The following B3GALT5 variants were observed in gnomAD, a reference collection of about 807,000 sequenced individuals.
B3GALT5 encodes beta-1,3-galactosyltransferase 5.
For synonymous variants in B3GALT5, 156 were observed against 158.6 expected (o/e 0.98, Z 0.12); for missense variants, 328 against 396.6 (o/e 0.83, Z 1.47).
intron 1 of B3GALT5, among the ~76,000 whole-genome samples, chr21:39,632,208 G>T (rs572471075): frequency 1.3e-5 from 2 of 152,152 alleles, no homozygotes; most frequent in Non-Finnish European, 2.9e-5. Context: ...CATTTCCCAA[G>T]TCTTCCCTTA....
chr21:39,658,265 G>T (rs189588629), intron 2 of B3GALT5, among the ~76,000 whole-genome samples: 1 of 152,272 alleles, frequency 6.6e-6, no homozygotes, highest in African/African-American at 2.4e-5. Flanking sequence ...TGCCAGTTGG[G>T]TTTGGCACCT....
chr21:39,656,887 C>T (rs1241449889), intron 2 of B3GALT5, among the ~76,000 whole-genome samples: 3 of 152,190 alleles, frequency 2.0e-5, no homozygotes, highest in Non-Finnish European at 4.4e-5. Flanking sequence ...CAAAATGTAC[C>T]CAGCAACCAG....
In B3GALT5 at chr21:39,672,131, G is replaced by A. The variant is rs2776325; in HGVS notation, c.*10639G>A. On this transcript the variant is annotated 3_prime_UTR_variant, in exon 4 of 4. Coordinates refer to ENST00000684187, the MANE Select transcript of B3GALT5 (RefSeq NM_001356336.2). ...CTACCTCCATTCACTGGTCAAAGAA[G>A]CGCAGAGTTAAGTTGGCCAGTGTGG... 10 of 152,190 alleles carry A rather than the reference G, an allele frequency of 6.6e-5. No homozygotes were observed. Among genetic ancestry groups the A allele is most frequent in the African/African-American group, 2.2e-4 (9 of 41,440 alleles). 9.4% of individuals were successfully genotyped at this position (152,190 alleles called of 1,614,324 possible). A position where few individuals can be genotyped will look rare whatever the true frequency, so the allele number is the denominator to read the frequency against.
At chr21:39,658,903 G>A (rs1188965963) in intron 2 of B3GALT5, among the ~76,000 whole-genome samples, 2 of 152,298 alleles carry the variant, frequency 1.3e-5, no homozygotes, top group East Asian at 3.9e-4. Context: ...ATGTAGAACA[G>A]AATTTTGACA....
chr21:39,660,521 T>G (rs2079501977), intron 3 of B3GALT5, 39 bp from the exon 4 acceptor site: 1 of 1,383,632 alleles, frequency 7.2e-7, no homozygotes, highest in Admixed American at 2.7e-5. Context: ...CACATCCTCA[T>G]GCTTTTGAGG....
In B3GALT5 at chr21:39,660,856, C is replaced by A. The variant is rs2079509839; in HGVS notation, c.297C>A (p.Thr99=). 6.2e-7 allele frequency: 1 copy of A among 1,611,730 alleles called. No homozygotes were observed. Among genetic ancestry groups the A allele is most frequent in the Non-Finnish European group, 8.5e-7 (1 of 1,178,918 alleles). Reference sequence around the variant, plus strand: ...TGAAGACATTCTTCCTCCTGGGGACCACCAGCAGTGCAGCGGAAACGAAAG... The same window carrying A: ...TGAAGACATTCTTCCTCCTGGGGACAACCAGCAGTGCAGCGGAAACGAAAG... ...KQLKTFFLLG[T]TSSAAETKEV... is the part of the protein sequence containing the mutation. The change falls in exon 4 of 4, where the codon ACC becomes ACA. Residue 99 remains threonine, a synonymous_variant. Transcript: ENST00000684187.
chr21:39,661,300 G>A lies in B3GALT5; in HGVS notation c.741G>A (p.Gly247=), dbSNP rs766847002. 5 of 1,614,042 alleles carry A rather than the reference G, an allele frequency of 3.1e-6. No individual in the cohort carries two copies. The highest frequency in any genetic ancestry group is 3.3e-5 in the Admixed American group (2 of 60,002). ...TTAAACTGGAAGACGTGTTTGTGGG[G>A]CTCTGCCTCGAAAGGCTGAACATCA... ...PYIKLEDVFV[G]LCLERLNIRL... The change falls in exon 4 of 4, where the codon GGG becomes GGA. Residue 247 remains glycine (G), a synonymous_variant. Coordinates refer to ENST00000684187, the MANE Select transcript of B3GALT5 (RefSeq NM_001356336.2). The surrounding 1 kb of genome is among the most constrained non-coding windows in gnomAD (Gnocchi z 4.7).
At chr21:39,629,967 T>C (rs1401910165) in intron 1 of B3GALT5, among the ~76,000 whole-genome samples, 1 of 152,238 alleles carries the variant, frequency 6.6e-6, no homozygotes, top group Non-Finnish European at 1.5e-5. Context: ...AAGTCACTTA[T>C]TTTAGCATAA....
intron 1 of B3GALT5, among the ~76,000 whole-genome samples, chr21:39,641,230 A>G (rs2079287562): frequency 2.0e-5 from 3 of 152,256 alleles, no homozygotes; most frequent in South Asian, 2.1e-4. Flanking sequence ...TACTAAAAAC[A>G]TGAAGTTAAA....
chr21:39,657,774 G>A lies in B3GALT5; in HGVS notation c.-160-1979G>A, dbSNP rs962366522. 1.6e-5 allele frequency: 16 copies of A among 990,578 alleles called. No homozygotes were observed. In the African/African-American group the frequency reaches 2.2e-4, roughly 14 times the overall value. The allele number at this position is 990,578 out of a possible 1,614,324, so 61.4% of individuals were successfully genotyped here. On this transcript the variant is annotated intron_variant, in intron 2 of 3. Transcript: ENST00000684187. ...CTATCTATCCATAACCTGTTGATTCGATCTCTCTAGAGAACCCTGACTAAT... is the reference window on the plus strand; with the variant it reads ...CTATCTATCCATAACCTGTTGATTCAATCTCTCTAGAGAACCCTGACTAAT...
chr21:39,670,711 C>T lies in B3GALT5; in HGVS notation c.*9219C>T, dbSNP rs1245939993. ...TGAGGAGGCAATACTATTTAGAATCCTTGATAAACAGTTCCAAAAGAAAAA... is the reference window on the plus strand; with the variant it reads ...TGAGGAGGCAATACTATTTAGAATCTTTGATAAACAGTTCCAAAAGAAAAA... On this transcript the variant is annotated 3_prime_UTR_variant, in exon 4 of 4. Coordinates refer to ENST00000684187, the MANE Select transcript of B3GALT5 (RefSeq NM_001356336.2). 1 of 151,634 alleles carries T rather than the reference C, an allele frequency of 6.6e-6. No individual in the cohort carries two copies. Among genetic ancestry groups the T allele is most frequent in the Non-Finnish European group, 1.5e-5 (1 of 67,930 alleles). 9.4% of individuals were successfully genotyped at this position (151,634 alleles called of 1,614,324 possible).
At position 39,661,305 on chromosome 21, in the gene B3GALT5, G is replaced by T; in HGVS notation, c.746G>T (p.Cys249Phe). 2 of 1,614,150 alleles carry T rather than the reference G, an allele frequency of 1.2e-6. No individual in the cohort carries two copies. Among genetic ancestry groups the T allele is most frequent in the Non-Finnish European group, 1.7e-6 (2 of 1,180,026 alleles). ...IKLEDVFVGL[C>F]LERLNIRLEE... ...CTGGAAGACGTGTTTGTGGGGCTCT[G>T]CCTCGAAAGGCTGAACATCAGATTG... The change falls in exon 4 of 4, where the codon TGC (cysteine) becomes TTC (phenylalanine). Residue 249 changes from cysteine (C) to phenylalanine (F), a missense_variant. Cys to Phe is a radical substitution (Grantham distance 205, BLOSUM62 -2). Transcript: ENST00000684187. This position sits in a 1 kb window ranked among gnomAD's most constrained non-coding sequence, Gnocchi z 4.7.
rs149607700 is a variant in B3GALT5 at position 39,642,381 on chromosome 21, T to C, written c.-391-4011T>C. Reference sequence around the variant, plus strand: ...CTCTGCTCTGGGGAAACCGAGAGGATGGGACATTTCATTTGAAGAATGTAG... The same window carrying C: ...CTCTGCTCTGGGGAAACCGAGAGGACGGGACATTTCATTTGAAGAATGTAG... On this transcript the variant is annotated intron_variant, in intron 1 of 3. Coordinates refer to ENST00000684187, the MANE Select transcript of B3GALT5 (RefSeq NM_001356336.2). Among the ~76,000 whole-genome samples, 546 of 152,120 alleles carry C rather than the reference T, an allele frequency of 3.6e-3. 5 individuals carry two copies. Among genetic ancestry groups the C allele is most frequent in the East Asian group, 0.023 (118 of 5,172 alleles).
At chr21:39,615,886 T>A (rs779226426) in intron 1 of B3GALT5, among the ~76,000 whole-genome samples, 1 of 152,224 alleles carries the variant, frequency 6.6e-6, no homozygotes, top group African/African-American at 2.4e-5. Context: ...GAGTAATAAT[T>A]GTTTTGGATC....
chr21:39,612,947 G>A lies in B3GALT5; in HGVS notation c.-512G>A, dbSNP rs2079087322. On this transcript the variant is annotated 5_prime_UTR_variant, in exon 1 of 4. Transcript: ENST00000684187. ...GGAGCGGGGAGCAAAACCATCCTCG[G>A]CCTGGACCCAGCGCCTCCGGGGACC... The A allele has an allele frequency of 6.6e-6, 1 of 151,838 alleles. No homozygotes were observed. The highest frequency in any genetic ancestry group is 2.4e-5 in the African/African-American group (1 of 41,398). The allele number at this position is 151,838 out of a possible 1,614,324, so 9.4% of individuals were successfully genotyped here.
chr21:39,628,475 T>G (rs950288895), intron 1 of B3GALT5, among the ~76,000 whole-genome samples: 5 of 152,224 alleles, frequency 3.3e-5, no homozygotes, highest in African/African-American at 1.2e-4. Flanking sequence ...TAGCACCCAC[T>G]TAGGGATACT....
chr21:39,656,342 C>T (rs1240151450), intron 2 of B3GALT5, among the ~76,000 whole-genome samples: 1 of 152,202 alleles, frequency 6.6e-6, no homozygotes, highest in Admixed American at 6.5e-5. Flanking sequence ...GACTCTAGCA[C>T]TCAGGACTGC....
chr21:39,627,103 A>AG (rs1002880685), intron 1 of B3GALT5, among the ~76,000 whole-genome samples: 3 of 152,120 alleles, frequency 2.0e-5, no homozygotes, highest in Admixed American at 6.5e-5. Flanking sequence ...TCCTTCCTAA[A>AG]GGATTGTCAT....
chr21:39,641,419 C>G (rs1224642809), intron 1 of B3GALT5, among the ~76,000 whole-genome samples: 1 of 149,142 alleles, frequency 6.7e-6, no homozygotes. Flanking sequence ...TAAATTCTTA[C>G]TCTAACTTTG....
Sources: allele counts gnomAD v4.1 joint callset (sites outside exome capture counted in the v4.1 genomes callset), GRCh38; gene constraint gnomAD v4.1.1; non-coding constraint Gnocchi (gnomAD v3.1); transcripts MANE v1.5; gene names NCBI Gene and HGNC (gene_info 2026-07-23, HGNC 2026-07-21).